Variants in ARHGAP20 observed in about 807,000 individuals in gnomAD.
ARHGAP20 encodes the protein Rho GTPase activating protein 20.
A neutral mutation model predicts 73.7 loss-of-function variants in ARHGAP20; 34 were observed. The ratio of observed to expected loss-of-function variants is 0.46; its 90% CI spans 0.35 to 0.61. ARHGAP20 has a LOEUF of 0.61. Ranked by LOEUF, ARHGAP20 falls within the 20% of genes least tolerant of loss-of-function variation. The pLI, the probability that ARHGAP20 is intolerant of heterozygous loss-of-function variation, is 0.00. For missense variants in ARHGAP20, 1,314 were observed against 1,420.9 expected, an observed-to-expected ratio of 0.92 and a Z score of 1.21; for synonymous variants, 523 against 518.2, an observed-to-expected ratio of 1.01 and a Z score of -0.13.
At chr11:110,592,534 A>C (rs1198190126) in intron 9 of ARHGAP20, among the ~76,000 whole-genome samples, 1 of 152,214 alleles carries the variant, frequency 6.6e-6, no homozygotes, top group Non-Finnish European at 1.5e-5. Flanking sequence ...GAGACTAAGC[A>C]TACAAAAAGT....
At chr11:110,671,895 G>A (rs1045063892) in intron 2 of ARHGAP20, among the ~76,000 whole-genome samples, 2 of 151,886 alleles carry the variant, frequency 1.3e-5, no homozygotes, top group Non-Finnish European at 2.9e-5. Flanking sequence ...GTACTTTTTG[G>A]GAAAGTACAT....
intron 4 of ARHGAP20, among the ~76,000 whole-genome samples, chr11:110,620,420 G>A (rs1458204996): frequency 2.6e-5 from 4 of 152,076 alleles, no homozygotes; most frequent in African/African-American, 4.8e-5. Flanking sequence ...CAAGCAGCTG[G>A]GATTACAGGC....
intron 1 of ARHGAP20, chr11:110,711,598 C>T: frequency 4.0e-6 from 6 of 1,483,676 alleles, no homozygotes; most frequent in Non-Finnish European, 5.3e-6. Context: ...ATGGAGCAGC[C>T]GCGCCTCGGC....
At chr11:110,691,667 A>C (rs1029747554) in intron 1 of ARHGAP20, among the ~76,000 whole-genome samples, 1 of 152,224 alleles carries the variant, frequency 6.6e-6, no homozygotes, top group Non-Finnish European at 1.5e-5. Flanking sequence ...TCCAGTGAGA[A>C]GAGGATGCTA....
At chr11:110,658,225 G>A (rs982933028) in intron 2 of ARHGAP20, among the ~76,000 whole-genome samples, 10 of 152,158 alleles carry the variant, frequency 6.6e-5, no homozygotes, top group African/African-American at 1.9e-4. Context: ...AACACATCTG[G>A]AACACATCTG....
intron 1 of ARHGAP20, among the ~76,000 whole-genome samples, chr11:110,700,333 T>C (rs1950419154): frequency 6.6e-6 from 1 of 151,986 alleles, no homozygotes; most frequent in African/African-American, 2.4e-5. Flanking sequence ...TGGGAAAGCT[T>C]TTATAGAACT....
intron 1 of ARHGAP20, chr11:110,711,649 G>A (rs1467818633): frequency 1.4e-6 from 2 of 1,474,644 alleles, no homozygotes; most frequent in East Asian, 2.8e-5. Context: ...CCGCAGCCCC[G>A]CTGCCTACCT....
chr11:110,592,197 A>G (rs756602338), intron 9 of ARHGAP20, 42 bp from the exon 10 acceptor site: 2 of 1,548,054 alleles, frequency 1.3e-6, no homozygotes, highest in Non-Finnish European at 1.8e-6. Flanking sequence ...AGTTTCATTC[A>G]CTTAATCTTA....
chr11:110,650,561 C>G (rs770534166), intron 2 of ARHGAP20, among the ~76,000 whole-genome samples: 2 of 152,136 alleles, frequency 1.3e-5, no homozygotes, highest in Non-Finnish European at 2.9e-5. Context: ...CTCCCATTCT[C>G]TACCTTTATG....
chr11:110,660,389 G>A (rs1376356671), intron 2 of ARHGAP20, among the ~76,000 whole-genome samples: 1 of 152,166 alleles, frequency 6.6e-6, no homozygotes, highest in Non-Finnish European at 1.5e-5. Context: ...CCAGATACAA[G>A]TACATAAATA....
rs981398496 is a variant in ARHGAP20 at position 110,583,502 on chromosome 11, A to G, written c.1605+46T>C. 6.2e-6 allele frequency: 9 copies of G among 1,447,086 alleles called. No individual in the cohort carries two copies. In the Admixed American group the frequency reaches 1.2e-4, roughly 19 times the overall value. 89.6% of individuals were successfully genotyped at this position (1,447,086 alleles called of 1,614,324 possible). On this transcript the variant is annotated intron_variant, in intron 13 of 14. Transcript: ENST00000683387. ...GAATACCCCAAATTTCAGTTTCAAA[A>G]CGGGGACTCAGTCTCCCAGGGCATA...
intron 2 of ARHGAP20, among the ~76,000 whole-genome samples, chr11:110,657,673 T>A (rs942438538): frequency 3.3e-5 from 5 of 151,918 alleles, no homozygotes; most frequent in African/African-American, 1.2e-4. Context: ...GGTGGGCAGA[T>A]CACCTTAGGC....
At chr11:110,666,182 A>T (rs1949720632) in intron 2 of ARHGAP20, among the ~76,000 whole-genome samples, 1 of 152,208 alleles carries the variant, frequency 6.6e-6, no homozygotes, top group Non-Finnish European at 1.5e-5. Context: ...AGACATTGAG[A>T]ACGATACAAT....
intron 2 of ARHGAP20, among the ~76,000 whole-genome samples, chr11:110,668,230 C>T (rs1190840241): frequency 6.6e-6 from 1 of 152,146 alleles, no homozygotes; most frequent in African/African-American, 2.4e-5. Context: ...AACCACCATC[C>T]TTATTAGTCA....
At chr11:110,595,073 G>T (rs1225950381) in intron 9 of ARHGAP20, among the ~76,000 whole-genome samples, 11 of 151,304 alleles carry the variant, frequency 7.3e-5, no homozygotes, top group African/African-American at 2.7e-4. Flanking sequence ...TGCAGAAAAG[G>T]CCTTTGACAA....
rs1422661592 is a variant in ARHGAP20 at position 110,579,768 on chromosome 11, C to A, written c.3178G>T (p.Glu1060Ter). The A allele has an allele frequency of 1.9e-6, 3 of 1,614,018 alleles. No homozygotes were observed. Among genetic ancestry groups the A allele is most frequent in the Non-Finnish European group, 2.5e-6 (3 of 1,180,000 alleles). Residue 1060 changes from glutamate (E) to a stop codon, truncating the protein, a stop_gained, in exon 15 of 15, where the codon GAG becomes TAG. Transcript: ENST00000683387. LOFTEE classifies it low-confidence loss of function (END_TRUNC). ...LKKKAKAARP[E>*]EEKIASPKGP... ...TTTGGAGAAGCTATTTTCTCTTCCTCTGGTCTGGCTGCCTTTGCTTTCTTT... is the reference window on the plus strand; with the variant it reads ...TTTGGAGAAGCTATTTTCTCTTCCTATGGTCTGGCTGCCTTTGCTTTCTTT...
In ARHGAP20 at chr11:110,579,010, C is replaced by T; in HGVS notation, c.*360G>A. The T allele has an allele frequency of 2.0e-6, 2 of 998,918 alleles. No homozygotes were observed. Among genetic ancestry groups the T allele is most frequent in the Non-Finnish European group, 2.4e-6 (2 of 837,158 alleles). The allele number at this position is 998,918 out of a possible 1,614,324, so 61.9% of individuals were successfully genotyped here. On this transcript the variant is annotated 3_prime_UTR_variant, in exon 15 of 15. Transcript: ENST00000683387. Reference sequence around the variant, plus strand: ...TCCCCTCTCTCCTCAGGCCCCTATTCCTCATTCCTGATATCTTGGTCTTCT... The same window carrying T: ...TCCCCTCTCTCCTCAGGCCCCTATTTCTCATTCCTGATATCTTGGTCTTCT...
chr11:110,633,416 G>C (rs1236211071), intron 2 of ARHGAP20, among the ~76,000 whole-genome samples: 1 of 152,094 alleles, frequency 6.6e-6, no homozygotes, highest in Non-Finnish European at 1.5e-5. Context: ...CTGTCTTACT[G>C]TTCTATGTTT....
chr11:110,687,937 T>C (rs529475795), intron 2 of ARHGAP20, among the ~76,000 whole-genome samples: 1 of 152,272 alleles, frequency 6.6e-6, no homozygotes, highest in Non-Finnish European at 1.5e-5. Context: ...TTTTTAGAAA[T>C]GGTTCCAAAC....
Sources: gnomAD v4.1 joint callset for allele counts (sites outside exome capture counted in the v4.1 genomes callset) on GRCh38, gnomAD v4.1.1 for gene constraint, MANE v1.5 for transcripts, NCBI Gene and HGNC (gene_info 2026-07-23, HGNC 2026-07-21) for gene names.